CCDC27: variants seen among roughly 807,000 people sequenced by gnomAD.
CCDC27 encodes the protein coiled-coil domain-containing protein 27.
CCDC27 carries 80 observed loss-of-function variants against 80.3 expected under a neutral mutation model. The ratio of observed to expected loss-of-function variants is 1.00; its 90% CI spans 0.83 to 1.20. The LOEUF (loss-of-function observed/expected upper bound fraction) is 1.20, where lower values mean the gene tolerates loss of function less well. CCDC27 is among the 50% of genes most tolerant of loss of function. The pLI, the probability that CCDC27 is intolerant of heterozygous loss-of-function variation, is 0.00. For missense variants in CCDC27, 815 were observed against 809.4 expected (o/e 1.01, Z -0.08); for synonymous variants, 342 against 334.3 (o/e 1.02, Z -0.25).
In CCDC27 at chr1:3,766,744, C is replaced by T. The variant is rs1643235358; in HGVS notation, c.1530+132C>T. 7 of 663,722 alleles carry T rather than the reference C, an allele frequency of 1.1e-5. No homozygotes were observed. Among genetic ancestry groups the T allele is most frequent in the Admixed American group, 2.6e-5 (1 of 38,382 alleles). 41.1% of individuals were successfully genotyped at this position (663,722 alleles called of 1,614,324 possible). A position where few individuals can be genotyped will look rare whatever the true frequency, so the allele number is the denominator to read the frequency against. The stretch of plus-strand genomic sequence containing the variant: ...AGGACCCCTTCGGTAGCATGCCACT[C>T]GACAGATCTCTGCACCCCACGTCCA... On this transcript the variant is annotated intron_variant, in intron 9 of 11. Transcript: ENST00000294600. The surrounding 1 kb of genome is among the most constrained non-coding windows in gnomAD (Gnocchi z 6.1).
intron 4 of CCDC27, among the ~76,000 whole-genome samples, chr1:3,757,785 G>C (rs1642992699): frequency 6.6e-6 from 1 of 152,020 alleles, no homozygotes; most frequent in African/African-American, 2.4e-5. Flanking sequence ...AGCCAGGCGT[G>C]GTGGTGGGTG....
In CCDC27 at chr1:3,752,766, G is replaced by A. The variant is rs145525732; in HGVS notation, c.285G>A (p.Ser95=). Residue 95 remains serine (S), a synonymous_variant, in exon 1 of 12, where the codon TCG becomes TCA. Coordinates refer to ENST00000294600, the MANE Select transcript of CCDC27 (RefSeq NM_152492.3). ...AAAAGCCACGCACGCTCAGCAAGTC[G>A]GTCCAGACCATCAGCCGCTACTACA... is the stretch of plus-strand genomic sequence containing the variant. ...PHQKPRTLSK[S]VQTISRYYRK... 3.7e-5 allele frequency: 59 copies of A among 1,613,142 alleles called. No homozygotes were observed. In the South Asian group the frequency reaches 5.3e-4, roughly 14 times the overall value.
intron 2 of CCDC27, among the ~76,000 whole-genome samples, chr1:3,754,635 G>A (rs964796547): frequency 5.3e-5 from 8 of 152,062 alleles, no homozygotes; most frequent in East Asian, 1.9e-4. Flanking sequence ...GCAGCTATCC[G>A]GTCCAAACCC....
rs1339641576 is a variant in CCDC27, at chr1:3,753,397, C to T, written c.318+598C>T. Among the ~76,000 whole-genome samples, 4 of 148,564 alleles carry T rather than the reference C, an allele frequency of 2.7e-5. No homozygotes were observed. The East Asian group carries it at 7.9e-4, about 29-fold the overall frequency. ...GGAGTGCAATGGCGCGATCTTGGCT[C>T]ACCGCAACCTCCACCTCCTGGGTTC... On this transcript the variant is annotated intron_variant, in intron 1 of 11. Coordinates refer to ENST00000294600, the MANE Select transcript of CCDC27 (RefSeq NM_152492.3).
At chr1:3,767,980 T>A (rs1643274273) in intron 10 of CCDC27, among the ~76,000 whole-genome samples, 1 of 152,032 alleles carries the variant, frequency 6.6e-6, no homozygotes, top group South Asian at 2.1e-4. Flanking sequence ...GATTTGGCAG[T>A]CTCAACTGCA....
chr1:3,763,738 T>G lies in CCDC27; in HGVS notation c.1354T>G (p.Phe452Val). ...VIASLQQQVD[F>V]QETQLRKINT... Reference sequence around the variant, plus strand: ...TGCGTCTTTACAACAACAAGTGGATTTCCAAGAAACCCAGCTGCGAAAGAT... The same window carrying G: ...TGCGTCTTTACAACAACAAGTGGATGTCCAAGAAACCCAGCTGCGAAAGAT... The change falls in exon 8 of 12, where the codon TTC (phenylalanine) becomes GTC (valine). Residue 452 changes from phenylalanine to valine, a missense_variant. Physicochemically the swap from Phe to Val is conservative, Grantham distance 50 (BLOSUM62 -1). Transcript: ENST00000294600. This position sits in a 1 kb window ranked among gnomAD's most constrained non-coding sequence, Gnocchi z 7.5. 1.2e-6 allele frequency: 2 copies of G among 1,614,106 alleles called. No individual in the cohort carries two copies. The highest frequency in any genetic ancestry group is 1.7e-6 in the Non-Finnish European group (2 of 1,179,982).
rs1296707072 is a variant in CCDC27, at chr1:3,761,945, G to C, written c.861+515G>C. On this transcript the variant is annotated intron_variant, in intron 5 of 11. Transcript: ENST00000294600. The surrounding 1 kb of genome is among the most constrained non-coding windows in gnomAD (Gnocchi z 5.0). ...TCCCTTCTCCCCACTCTCTGGCTGT[G>C]AAGCCCCCTGCGAGGTTGGGCATGG... 6.9e-6 allele frequency among the ~76,000 whole-genome samples: 1 copy of C among 145,374 alleles called. No homozygotes were observed. The highest frequency in any genetic ancestry group is 1.5e-5 in the Non-Finnish European group (1 of 66,104).
rs756264960 is a variant in CCDC27, at chr1:3,763,788, G to A, written c.1404G>A (p.Gln468=). The A allele has an allele frequency of 8.1e-6, 13 of 1,614,162 alleles. No individual in the cohort carries two copies. The highest frequency in any genetic ancestry group is 4.5e-5 in the East Asian group (2 of 44,886). Residue 468 remains glutamine (Q), a synonymous_variant, in exon 8 of 12, where the codon CAG becomes CAA. Transcript: ENST00000294600. The surrounding 1 kb of genome is among the most constrained non-coding windows in gnomAD (Gnocchi z 7.5). ...TCAATACGGAAAATGAGACGCTGCA[G>A]AAGGAGCTCCGAGAGCGGAGGCAGC... ...RKINTENETL[Q]KELRERRQQL... is the part of the protein sequence containing the mutation.
intron 3 of CCDC27, chr1:3,755,843 G>C (rs913617812): frequency 1.4e-5 from 6 of 425,650 alleles, no homozygotes; most frequent in African/African-American, 1.2e-4. Context: ...CCCAGTGGCT[G>C]ATGGGTGCAT....
rs375551418 is a variant in CCDC27 at position 3,761,472 on chromosome 1, G to C, written c.861+42G>C. The C allele has an allele frequency of 1.3e-6, 2 of 1,592,198 alleles. No homozygotes were observed. The highest frequency in any genetic ancestry group is 8.6e-7 in the Non-Finnish European group (1 of 1,169,474). Reference sequence around the variant, plus strand: ...GGGGCACAGCGCAGAGCTCTAAGACGGTTGTTTTCAAAGCGTCCAAAGCTG... The same window carrying C: ...GGGGCACAGCGCAGAGCTCTAAGACCGTTGTTTTCAAAGCGTCCAAAGCTG... On this transcript the variant is annotated intron_variant, in intron 5 of 11. Coordinates refer to ENST00000294600, the MANE Select transcript of CCDC27 (RefSeq NM_152492.3). This position sits in a 1 kb window ranked among gnomAD's most constrained non-coding sequence, Gnocchi z 5.0.
At chr1:3,754,289 G>A (rs201207001) in intron 2 of CCDC27, 48 bp downstream of exon 2, 414 of 1,527,116 alleles carry the variant, frequency 2.7e-4, no homozygotes, top group Non-Finnish European at 3.4e-4. Flanking sequence ...TGTCAGAGTC[G>A]AGGGGCCGGG....
In CCDC27 at chr1:3,756,796, C is replaced by T; in HGVS notation, c.617C>T (p.Ser206Phe). The stretch of plus-strand genomic sequence containing the variant: ...GATTACTTGCGGAAGAGGAGAAAAT[C>T]CCAGACTTTGAGTCCGGTCACCAGC... ...EFDYLRKRRK[S>F]QTLSPVTSSS... Residue 206 changes from serine (S) to phenylalanine (F), a missense_variant, in exon 4 of 12, where the codon TCC becomes TTC. Coordinates refer to ENST00000294600, the MANE Select transcript of CCDC27 (RefSeq NM_152492.3). 1 of 1,614,080 alleles carries T rather than the reference C, an allele frequency of 6.2e-7. No homozygotes were observed. Among genetic ancestry groups the T allele is most frequent in the Non-Finnish European group, 8.5e-7 (1 of 1,180,012 alleles).
Position 3,763,262 on chromosome 1 carries a change from G to T in CCDC27, c.1109G>T (p.Ser370Ile). 1 of 1,578,318 alleles carries T rather than the reference G, an allele frequency of 6.3e-7. No individual in the cohort carries two copies. The highest frequency in any genetic ancestry group is 8.6e-7 in the Non-Finnish European group (1 of 1,161,278). The change falls in exon 7 of 12, where the codon AGC becomes ATC. Residue 370 changes from serine to isoleucine, a missense_variant. Transcript: ENST00000294600. The surrounding 1 kb of genome is among the most constrained non-coding windows in gnomAD (Gnocchi z 7.5). ...SQMGSVHEEG[S>I]EEEEEEEGDR... ...ATGGGATCCGTGCATGAGGAGGGAAGCGAGGAGGAGGAAGAGGAGGAAGGG... is the reference window on the plus strand; with the variant it reads ...ATGGGATCCGTGCATGAGGAGGGAATCGAGGAGGAGGAAGAGGAGGAAGGG...
Position 3,766,738 on chromosome 1 carries a change from G to A in CCDC27, c.1530+126G>A, listed in dbSNP as rs940078319. On this transcript the variant is annotated intron_variant, in intron 9 of 11. Coordinates refer to ENST00000294600, the MANE Select transcript of CCDC27 (RefSeq NM_152492.3). This position sits in a 1 kb window ranked among gnomAD's most constrained non-coding sequence, Gnocchi z 6.1. ...TGAGCCAGGACCCCTTCGGTAGCATGCCACTCGACAGATCTCTGCACCCCA... is the reference window on the plus strand; with the variant it reads ...TGAGCCAGGACCCCTTCGGTAGCATACCACTCGACAGATCTCTGCACCCCA... 5 of 687,850 alleles carry A rather than the reference G, an allele frequency of 7.3e-6. No homozygotes were observed. Among genetic ancestry groups the A allele is most frequent in the East Asian group, 5.5e-5 (2 of 36,522 alleles). The allele number at this position is 687,850 out of a possible 1,614,324, so 42.6% of individuals were successfully genotyped here.
intron 8 of CCDC27, among the ~76,000 whole-genome samples, chr1:3,765,112 C>T (rs1028183525): frequency 6.6e-6 from 1 of 151,848 alleles, no homozygotes; most frequent in Non-Finnish European, 1.5e-5. Flanking sequence ...TTACTCTATA[C>T]CCTCATAACA....
rs1643281703 is a variant in CCDC27, at chr1:3,768,257, C to A, written c.1743+812C>A. Among the ~76,000 whole-genome samples the A allele has an allele frequency of 6.6e-6, 1 of 152,082 alleles. No individual in the cohort carries two copies. Among genetic ancestry groups the A allele is most frequent in the Non-Finnish European group, 1.5e-5 (1 of 68,012 alleles). On this transcript the variant is annotated intron_variant, in intron 10 of 11. Coordinates refer to ENST00000294600, the MANE Select transcript of CCDC27 (RefSeq NM_152492.3). The surrounding 1 kb of genome is among the most constrained non-coding windows in gnomAD (Gnocchi z 5.6). ...GGACCACAGGCATGTGCCACCATAC[C>A]TGGCCAATTTTAAAAGCTTTTTGTA...
rs1026301103 is a variant in CCDC27, at chr1:3,763,997, G to C, written c.1452+161G>C. 1.3e-5 allele frequency among the ~76,000 whole-genome samples: 2 copies of C among 152,232 alleles called. No individual in the cohort carries two copies. Among genetic ancestry groups the C allele is most frequent in the Admixed American group, 1.3e-4 (2 of 15,300 alleles). ...GGCCCAGGGTTGTGCGGCTGATAGC[G>C]GCCCCGCTAGGATTCCCCAAGGTGT... is the stretch of plus-strand genomic sequence containing the variant. On this transcript the variant is annotated intron_variant, in intron 8 of 11. Transcript: ENST00000294600. This position sits in a 1 kb window ranked among gnomAD's most constrained non-coding sequence, Gnocchi z 7.5.
rs150091953 is a variant in CCDC27 at position 3,754,240 on chromosome 1, T to A, written c.441T>A (p.Cys147Ter). The A allele has an allele frequency of 2.5e-6, 4 of 1,591,532 alleles. No homozygotes were observed. The East Asian group carries it at 9.4e-5, about 37-fold the overall frequency. The change falls in exon 2 of 12, where the codon TGT becomes TGA. Residue 147 changes from cysteine to a stop codon, truncating the protein, a stop_gained and splice_region_variant. Coordinates refer to ENST00000294600, the MANE Select transcript of CCDC27 (RefSeq NM_152492.3). LOFTEE classifies it high-confidence loss of function. ...FSTRATSMSH[C>*]GSPTEADLSG... is the part of the protein sequence containing the mutation. Reference sequence around the variant, plus strand: ...CCAGGGCCACATCCATGTCCCACTGTGGTAAGAGCCCCCCACCAGGACCGC... The same window carrying A: ...CCAGGGCCACATCCATGTCCCACTGAGGTAAGAGCCCCCCACCAGGACCGC...
Position 3,768,925 on chromosome 1 carries a change from C to T in CCDC27, c.1744-858C>T, listed in dbSNP as rs1643294500. ...AAATACTGGAAAGAAGGAAAGGATT[C>T]CACTCCTCACACAGGCCAGGGGCCC... On this transcript the variant is annotated intron_variant, in intron 10 of 11. Coordinates refer to ENST00000294600, the MANE Select transcript of CCDC27 (RefSeq NM_152492.3). This position sits in a 1 kb window ranked among gnomAD's most constrained non-coding sequence, Gnocchi z 5.6. 6.6e-6 allele frequency among the ~76,000 whole-genome samples: 1 copy of T among 152,196 alleles called. No homozygotes were observed. The highest frequency in any genetic ancestry group is 1.5e-5 in the Non-Finnish European group (1 of 68,044).
Sources: allele counts gnomAD v4.1 joint callset (sites outside exome capture counted in the v4.1 genomes callset), GRCh38; gene constraint gnomAD v4.1.1; non-coding constraint Gnocchi (gnomAD v3.1); transcripts MANE v1.5; gene names NCBI Gene and HGNC (gene_info 2026-07-23, HGNC 2026-07-21).